The following USP7 variants were observed in gnomAD, a reference collection of about 807,000 sequenced individuals.
USP7 encodes the protein ubiquitin specific peptidase 7, also known as ubiquitin C-terminal hydrolase 7.
A neutral mutation model predicts 162.9 loss-of-function variants in USP7; 9 were observed. That is an observed-to-expected ratio of 0.06 (90% CI 0.03 to 0.10). The LOEUF (loss-of-function observed/expected upper bound fraction) is 0.10, where lower values mean the gene tolerates loss of function less well. Ranked by LOEUF, USP7 falls within the 10% of genes least tolerant of loss-of-function variation. The probability of loss-of-function intolerance (pLI) is 1.00; values close to 1 mark genes in which losing one functional copy is unlikely to be tolerated. For missense variants in USP7, 715 were observed against 1,373.7 expected (o/e 0.52, Z 7.58); for synonymous variants, 562 against 475.9 (o/e 1.18, Z -2.35).
chr16:8,913,568 A>C lies in USP7; in HGVS notation c.1078+1686T>G, dbSNP rs146663602. ...ACCTAGAAGTCTACACCGAGTTAAA[A>C]TGTCTTTCACAACTGCAGATGAAAT... On this transcript the variant is annotated intron_variant, in intron 10 of 30. Transcript: ENST00000344836. Among the ~76,000 whole-genome samples, 5 of 152,176 alleles carry C rather than the reference A, an allele frequency of 3.3e-5. No individual in the cohort carries two copies. In the East Asian group the frequency reaches 9.6e-4, roughly 29 times the overall value.
rs1183826361 is a variant in USP7, at chr16:8,916,540, T to C, written c.868A>G (p.Ser290Gly). ...TCCTGAACATCATGTTGCATGAAGC[T>C]ATCTAAAGTTTCCCACCTTTCAAAG... ...TKSFGWETLD[S>G]FMQHDVQELC... Residue 290 changes from serine (S) to glycine (G), a missense_variant, in exon 8 of 31, where the codon AGC (serine) becomes GGC (glycine). By Grantham distance (56) the Ser-to-Gly change is moderately conservative. Coordinates refer to ENST00000344836, the MANE Select transcript of USP7 (RefSeq NM_003470.3). 6.2e-7 allele frequency: 1 copy of C among 1,610,316 alleles called. No homozygotes were observed. Among genetic ancestry groups the C allele is most frequent in the African/African-American group, 1.3e-5 (1 of 74,654 alleles).
chr16:8,901,880 G>A, intron 18 of USP7: 3 of 586,924 alleles, frequency 5.1e-6, no homozygotes, highest in Non-Finnish European at 6.0e-6. Context: ...CCACGTGGCT[G>A]CTACTGTCTC....
chr16:8,961,536 G>A (rs1159104649), intron 1 of USP7, among the ~76,000 whole-genome samples: 1 of 144,126 alleles, frequency 6.9e-6, no homozygotes, highest in African/African-American at 2.5e-5. Context: ...TGAAATTTGT[G>A]GACCTGGTCA....
chr16:8,910,371 A>G (rs1228939629), intron 11 of USP7, among the ~76,000 whole-genome samples: 1 of 152,210 alleles, frequency 6.6e-6, no homozygotes, highest in East Asian at 1.9e-4. Context: ...TTAAAAATAC[A>G]TTTAAAAATA....
intron 1 of USP7, among the ~76,000 whole-genome samples, chr16:8,938,183 T>C (rs1390032389): frequency 1.3e-5 from 2 of 152,100 alleles, no homozygotes; most frequent in African/African-American, 4.8e-5. Context: ...CTGAAGTTCT[T>C]TGACTACATA....
At chr16:8,939,769 A>G (rs1403689951) in intron 1 of USP7, among the ~76,000 whole-genome samples, 1 of 152,234 alleles carries the variant, frequency 6.6e-6, no homozygotes, top group East Asian at 1.9e-4. Flanking sequence ...TAATAACTCC[A>G]AAACATTGTC....
intron 6 of USP7, among the ~76,000 whole-genome samples, chr16:8,917,483 A>C (rs1897438197): frequency 6.6e-6 from 1 of 152,158 alleles, no homozygotes; most frequent in African/African-American, 2.4e-5. Flanking sequence ...GGTTCAGGCA[A>C]TTCTCCTGCC....
intron 7 of USP7, 90 bp from the exon 8 acceptor site, chr16:8,916,646 TA>T: frequency 8.0e-7 from 1 of 1,250,062 alleles, no homozygotes; most frequent in Non-Finnish European, 1.1e-6. Context: ...CTAAACTGGA[TA>T]ATCAGCTATT....
At chr16:8,942,899 G>C (rs1317198254) in intron 1 of USP7, among the ~76,000 whole-genome samples, 1 of 152,142 alleles carries the variant, frequency 6.6e-6, no homozygotes, top group African/African-American at 2.4e-5. Context: ...CCCTCATTAG[G>C]CTGGCTGGAA....
Position 8,963,220 on chromosome 16 carries a change from G to A in USP7, c.66C>T (p.Asp22=), listed in dbSNP as rs1900092419. The A allele has an allele frequency of 7.1e-7, 1 of 1,415,022 alleles. No individual in the cohort carries two copies. The highest frequency in any genetic ancestry group is 9.3e-7 in the Non-Finnish European group (1 of 1,075,434). The allele number at this position is 1,415,022 out of a possible 1,614,324, so 87.7% of individuals were successfully genotyped here. A position where few individuals can be genotyped will look rare whatever the true frequency, so the allele number is the denominator to read the frequency against. ...CTCGGGCCTCACCTTCCATCTCCAT[G>A]TCCTCGGGCTCGCTCAACTGCTGCT... ...AGEQQLSEPE[D]MEMEAGDTDD... is the part of the protein sequence containing the mutation. Residue 22 remains aspartate, a synonymous_variant, in exon 1 of 31, where the codon GAC becomes GAT. Coordinates refer to ENST00000344836, the MANE Select transcript of USP7 (RefSeq NM_003470.3).
intron 27 of USP7, 125 bp downstream of exon 27, chr16:8,895,517 T>C: frequency 1.1e-6 from 1 of 884,616 alleles, no homozygotes; most frequent in Non-Finnish European, 1.8e-6. Context: ...CATGGAATCA[T>C]ATACCTCGAT....
In USP7 at chr16:8,904,425, G is replaced by A. The variant is rs767106969; in HGVS notation, c.1704+10C>T. ...TGGTGACCCGGAGTCCCAGAAGGGC[G>A]GGGGCTGACCTGCACTTGCATATAG... On this transcript the variant is annotated intron_variant, in intron 15 of 30. Transcript: ENST00000344836. 14 of 1,612,846 alleles carry A rather than the reference G, an allele frequency of 8.7e-6. No homozygotes were observed. Among genetic ancestry groups the A allele is most frequent in the Middle Eastern group, 1.7e-4 (1 of 5,810 alleles).
chr16:8,913,586 G>C (rs551571126), intron 10 of USP7, among the ~76,000 whole-genome samples: 1 of 152,128 alleles, frequency 6.6e-6, no homozygotes, highest in East Asian at 1.9e-4. Flanking sequence ...CACAACTGCA[G>C]ATGAAATAAA....
rs140715885 is a variant in USP7 at position 8,946,567 on chromosome 16, A to G, written c.80-16170T>C. On this transcript the variant is annotated intron_variant, in intron 1 of 30. Coordinates refer to ENST00000344836, the MANE Select transcript of USP7 (RefSeq NM_003470.3). ...AGACTCAAATCTCAAATATATAAAC[A>G]ACAGTTCACAAAACTCAACAGCTGG... 1.9e-4 allele frequency among the ~76,000 whole-genome samples: 29 copies of G among 152,344 alleles called. No individual in the cohort carries two copies. The East Asian group carries it at 5.4e-3, about 28-fold the overall frequency.
intron 12 of USP7, 130 bp from the exon 13 acceptor site, chr16:8,906,712 CCTATG>C: frequency 2.3e-6 from 2 of 871,742 alleles, no homozygotes; most frequent in Non-Finnish European, 3.4e-6. Flanking sequence ...CTTGGGAAGG[CCTATG>C]AAGTACATAA....
At chr16:8,903,770 G>A (rs1194203081) in intron 15 of USP7, among the ~76,000 whole-genome samples, 1 of 151,798 alleles carries the variant, frequency 6.6e-6, no homozygotes, top group African/African-American at 2.4e-5. Context: ...GGAAGGCTGA[G>A]GCAGGAGAAT....
At chr16:8,952,193 T>C (rs1378789446) in intron 1 of USP7, among the ~76,000 whole-genome samples, 1 of 152,108 alleles carries the variant, frequency 6.6e-6, no homozygotes, top group Admixed American at 6.6e-5. Context: ...GAGGCTATAG[T>C]TAACGGTGAT....
At chr16:8,929,282 G>A (rs927283457) in intron 2 of USP7, 9 of 341,140 alleles carry the variant, frequency 2.6e-5, no homozygotes, top group Admixed American at 8.0e-5. Flanking sequence ...CAACCAGCGA[G>A]ACCACACCCA....
chr16:8,951,780 A>C (rs571722481), intron 1 of USP7, among the ~76,000 whole-genome samples: 1 of 152,324 alleles, frequency 6.6e-6, no homozygotes, highest in South Asian at 2.1e-4. Flanking sequence ...TTGCTTTAGG[A>C]ATGATTCATT....
Sources: gnomAD v4.1 joint callset for allele counts (sites outside exome capture counted in the v4.1 genomes callset) on GRCh38, gnomAD v4.1.1 for gene constraint, MANE v1.5 for transcripts, NCBI Gene and HGNC (gene_info 2026-07-23, HGNC 2026-07-21) for gene names.